VAT1L: variants seen among roughly 807,000 people sequenced by gnomAD.
VAT1L encodes the protein putative NADPH-dependent quinone oxidoreductase VAT1L.
In VAT1L, 34 loss-of-function variants were observed where a neutral mutation model predicts 44.1. The observed-to-expected ratio is 0.77, with a 90% CI of 0.59 to 1.03. VAT1L has a LOEUF of 1.03. Ranked by LOEUF, VAT1L falls within the 50% of genes least tolerant of loss-of-function variation. VAT1L has a pLI of 0.00. For missense variants in VAT1L, 615 were observed against 538.8 expected, an observed-to-expected ratio of 1.14 and a Z score of -1.40; for synonymous variants, 253 against 202.2, an observed-to-expected ratio of 1.25 and a Z score of -2.13.
chr16:77,977,805 G>A lies in VAT1L; in HGVS notation c.*110G>A. The A allele has an allele frequency of 9.3e-7, 1 of 1,074,040 alleles. No individual in the cohort carries two copies. The highest frequency in any genetic ancestry group is 1.4e-6 in the Non-Finnish European group (1 of 733,198). The allele number at this position is 1,074,040 out of a possible 1,614,324, so 66.5% of individuals were successfully genotyped here. A position where few individuals can be genotyped will look rare whatever the true frequency, so the allele number is the denominator to read the frequency against. On this transcript the variant is annotated 3_prime_UTR_variant, in exon 9 of 9. Coordinates refer to ENST00000302536, the MANE Select transcript of VAT1L (RefSeq NM_020927.3). ...AATGCTGTAGTCCAGTGCGTGTCGT[G>A]TTTGTCTGCAGTCAGCTGAGCTAAA...
intron 7 of VAT1L, among the ~76,000 whole-genome samples, chr16:77,946,080 G>A (rs191846335): frequency 2.0e-5 from 3 of 151,804 alleles, no homozygotes; most frequent in African/African-American, 2.4e-5. Context: ...GATTACAGGC[G>A]TGAGCTACCA....
intron 7 of VAT1L, among the ~76,000 whole-genome samples, chr16:77,941,896 C>T (rs958316405): frequency 7.2e-5 from 11 of 152,168 alleles, no homozygotes; most frequent in Non-Finnish European, 1.5e-4. Flanking sequence ...GCCTGCCACA[C>T]TGCTTTGCAC....
At chr16:77,907,130 T>G (rs1209320316) in intron 7 of VAT1L, among the ~76,000 whole-genome samples, 1 of 152,176 alleles carries the variant, frequency 6.6e-6, no homozygotes, top group Non-Finnish European at 1.5e-5. Context: ...TTGGCCAATT[T>G]CCACGCTGTA....
intron 3 of VAT1L, among the ~76,000 whole-genome samples, chr16:77,856,593 G>A (rs912350057): frequency 6.6e-6 from 1 of 152,118 alleles, no homozygotes; most frequent in Non-Finnish European, 1.5e-5. Flanking sequence ...GTCGATCAGG[G>A]TCATATATTT....
At chr16:77,939,658 T>C (rs1027634002) in intron 7 of VAT1L, among the ~76,000 whole-genome samples, 5 of 152,160 alleles carry the variant, frequency 3.3e-5, no homozygotes, top group African/African-American at 4.8e-5. Context: ...TTTGAGATTC[T>C]AGACCAAAAA....
rs977622582 is a variant in VAT1L at position 77,816,785 on chromosome 16, GA to G, written c.234-126del. ...ACTATTAGGGATACTTTGCCAAAAA[GA>G]AAAAAAAAAGACAGGAAGGAGTGAA... On this transcript the variant is annotated intron_variant, in intron 1 of 8. Coordinates refer to ENST00000302536, the MANE Select transcript of VAT1L (RefSeq NM_020927.3). 2.4e-3 allele frequency: 2,553 copies of G among 1,078,142 alleles called. 1 individual carries two copies. The highest frequency in any genetic ancestry group is 3.0e-3 in the South Asian group (152 of 51,304). The allele number at this position is 1,078,142 out of a possible 1,614,324, so 66.8% of individuals were successfully genotyped here.
chr16:77,804,642 T>C lies in VAT1L; in HGVS notation c.234-12279T>C, dbSNP rs183961070. Among the ~76,000 whole-genome samples, 82 of 152,308 alleles carry C rather than the reference T, an allele frequency of 5.4e-4. 1 individual carries two copies. Among genetic ancestry groups the C allele is most frequent in the African/African-American group, 1.9e-3 (80 of 41,574 alleles). The stretch of plus-strand genomic sequence containing the variant: ...GTCCTTATTTCAGCCATGCTGGCCA[T>C]CATGATGAGTTTGTCCCTGGGATTC... On this transcript the variant is annotated intron_variant, in intron 1 of 8. Coordinates refer to ENST00000302536, the MANE Select transcript of VAT1L (RefSeq NM_020927.3).
At chr16:77,971,960 C>G (rs754817295) in intron 8 of VAT1L, 27 bp downstream of exon 8, 26 of 1,603,262 alleles carry the variant, frequency 1.6e-5, no homozygotes, top group Non-Finnish European at 2.2e-5. Flanking sequence ...GGAGTCTGTT[C>G]AGTTCCACGC....
intron 7 of VAT1L, among the ~76,000 whole-genome samples, chr16:77,891,303 G>A (rs1258103916): frequency 2.0e-5 from 3 of 152,136 alleles, no homozygotes; most frequent in Non-Finnish European, 2.9e-5. Context: ...GCAGTGAGCC[G>A]AGATCGCGCC....
rs141385798 is a variant in VAT1L, at chr16:77,945,055, C to T, written c.1078-26795C>T. Reference sequence around the variant, plus strand: ...GACTCACCATGGTACAAAAACCTGTCGGTTGTATGTTCATACAGATTATCC... The same window carrying T: ...GACTCACCATGGTACAAAAACCTGTTGGTTGTATGTTCATACAGATTATCC... On this transcript the variant is annotated intron_variant, in intron 7 of 8. Transcript: ENST00000302536. Among the ~76,000 whole-genome samples, 449 of 152,224 alleles carry T rather than the reference C, an allele frequency of 2.9e-3. 3 individuals carry two copies. Among genetic ancestry groups the T allele is most frequent in the Middle Eastern group, 0.01 (3 of 294 alleles).
chr16:77,859,303 A>G (rs1481020415), intron 3 of VAT1L, among the ~76,000 whole-genome samples: 1 of 152,136 alleles, frequency 6.6e-6, no homozygotes, highest in Non-Finnish European at 1.5e-5. Flanking sequence ...CTCTAATAAC[A>G]AACAAAAGTA....
intron 7 of VAT1L, among the ~76,000 whole-genome samples, chr16:77,921,980 T>C (rs2017616750): frequency 6.6e-6 from 1 of 152,110 alleles, no homozygotes; most frequent in Admixed American, 6.6e-5. Flanking sequence ...AGCCCTGGGC[T>C]CAAGCAATTC....
At chr16:77,899,750 A>G (rs998140653) in intron 7 of VAT1L, among the ~76,000 whole-genome samples, 1 of 152,184 alleles carries the variant, frequency 6.6e-6, no homozygotes, top group Non-Finnish European at 1.5e-5. Flanking sequence ...TGCTCACCCA[A>G]CCTTTCCAGG....
At chr16:77,872,443 G>T (rs1455214603) in intron 4 of VAT1L, among the ~76,000 whole-genome samples, 1 of 152,062 alleles carries the variant, frequency 6.6e-6, no homozygotes, top group Non-Finnish European at 1.5e-5. Context: ...AACAGACCTG[G>T]GGAGAAGTGA....
At chr16:77,847,172 G>A (rs1323789534) in intron 3 of VAT1L, among the ~76,000 whole-genome samples, 2 of 151,802 alleles carry the variant, frequency 1.3e-5, no homozygotes, top group African/African-American at 4.8e-5. Context: ...TCTTGGAGAA[G>A]TAATTGCTTT....
chr16:77,821,300 CTTTTTT>C (rs753506804), intron 2 of VAT1L, among the ~76,000 whole-genome samples: 2 of 135,242 alleles, frequency 1.5e-5, no homozygotes, highest in Non-Finnish European at 3.2e-5. Flanking sequence ...GAAATCTTGT[CTTTTTT>C]TTTTTTTTTT....
chr16:77,862,996 A>AT, intron 4 of VAT1L, 106 bp downstream of exon 4: 1 of 1,386,782 alleles, frequency 7.2e-7, no homozygotes, highest in Non-Finnish European at 9.8e-7. Flanking sequence ...TAGCAAACAT[A>AT]TATTGGGGGC....
chr16:77,940,425 C>T (rs1053990142), intron 7 of VAT1L, among the ~76,000 whole-genome samples: 1 of 144,972 alleles, frequency 6.9e-6, no homozygotes, highest in Non-Finnish European at 1.5e-5. Context: ...CTCACTGCAA[C>T]CTCTGCCTCC....
intron 7 of VAT1L, among the ~76,000 whole-genome samples, chr16:77,931,489 G>A (rs1314554321): frequency 6.6e-6 from 1 of 152,214 alleles, no homozygotes; most frequent in Non-Finnish European, 1.5e-5. Flanking sequence ...AGGGAAGGGG[G>A]AAAGAAGGGT....
Sources: gnomAD v4.1 joint callset for allele counts (sites outside exome capture counted in the v4.1 genomes callset) on GRCh38, gnomAD v4.1.1 for gene constraint, MANE v1.5 for transcripts, NCBI Gene and HGNC (gene_info 2026-07-23, HGNC 2026-07-21) for gene names.